NMBR: variants seen among roughly 807,000 people sequenced by gnomAD.
NMBR encodes neuromedin-B receptor.
Under a neutral mutation model 20.5 loss-of-function variants are expected in NMBR, and 16 were observed. The observed-to-expected ratio is 0.78, with a 90% CI of 0.53 to 1.19. The LOEUF is 1.19. Among genes scored for constraint, NMBR ranks in the 50% most tolerant of loss-of-function variants. The pLI is 0.00. For missense variants in NMBR, 582 were observed against 499.1 expected (o/e 1.17, Z -1.58); for synonymous variants, 212 against 196.6 (o/e 1.08, Z -0.65).
In NMBR at chr6:142,078,579, T is replaced by G; in HGVS notation, c.747A>C (p.Glu249Asp). The change falls in exon 3 of 4, where the codon GAA (glutamate) becomes GAC (aspartate). Residue 249 changes from glutamate to aspartate, a missense_variant. Transcript: ENST00000258042. ...LIKSAHNLPGEYNEHTKKQME... is the reference protein window; with the variant it reads ...LIKSAHNLPGDYNEHTKKQME... ...CCTGTTTTTTGGTATGTTCATTGTATTCTCCAGGAAGATTGTGTGCGCTTT... is the reference window on the plus strand; with the variant it reads ...CCTGTTTTTTGGTATGTTCATTGTAGTCTCCAGGAAGATTGTGTGCGCTTT... The G allele has an allele frequency of 6.2e-7, 1 of 1,602,112 alleles. No individual in the cohort carries two copies. The highest frequency in any genetic ancestry group is 8.5e-7 in the Non-Finnish European group (1 of 1,173,816).
chr6:142,127,012 G>C (rs940092409), intron 1 of NMBR, among the ~76,000 whole-genome samples: 4 of 151,446 alleles, frequency 2.6e-5, no homozygotes, highest in Non-Finnish European at 5.9e-5. Context: ...TAACTTATCT[G>C]TATTTTTGTT....
chr6:142,096,326 G>A (rs1057300895), intron 1 of NMBR, among the ~76,000 whole-genome samples: 31 of 152,178 alleles, frequency 2.0e-4, no homozygotes, highest in Admixed American at 1.1e-3. Flanking sequence ...TGCTTTAAAT[G>A]TGTCCCAGAG....
In NMBR at chr6:142,088,878, C is replaced by T; in HGVS notation, c.-220G>A. 2 of 462,798 alleles carry T rather than the reference C, an allele frequency of 4.3e-6. No individual in the cohort carries two copies. The highest frequency in any genetic ancestry group is 7.6e-6 in the Non-Finnish European group (2 of 262,578). The allele number at this position is 462,798 out of a possible 1,614,324, so 28.7% of individuals were successfully genotyped here. A position where few individuals can be genotyped will look rare whatever the true frequency, so the allele number is the denominator to read the frequency against. On this transcript the variant is annotated 5_prime_UTR_variant, in exon 2 of 4. Coordinates refer to ENST00000258042, the MANE Select transcript of NMBR (RefSeq NM_002511.4). The stretch of plus-strand genomic sequence containing the variant: ...CTCCGCTTCTAGAGGGGGGAAATGG[C>T]TCCGGCTAACTCTGAATTTAAATTA...
chr6:142,117,419 T>A (rs1777874316), intron 1 of NMBR, among the ~76,000 whole-genome samples: 1 of 152,042 alleles, frequency 6.6e-6, no homozygotes, highest in African/African-American at 2.4e-5. Flanking sequence ...ATTCAAGGAA[T>A]AATGGACATT....
chr6:142,098,962 T>C (rs957785856), intron 1 of NMBR, among the ~76,000 whole-genome samples: 7 of 152,170 alleles, frequency 4.6e-5, no homozygotes, highest in African/African-American at 1.4e-4. Flanking sequence ...AATAGACAAA[T>C]AGATCAATGG....
At chr6:142,137,596 A>G (rs1242935537) in intron 1 of NMBR, among the ~76,000 whole-genome samples, 1 of 152,192 alleles carries the variant, frequency 6.6e-6, no homozygotes, top group Non-Finnish European at 1.5e-5. Flanking sequence ...GAATGCTTCC[A>G]GTTTTTGCCC....
rs2114550533 is a variant in NMBR at position 142,076,018 on chromosome 6, A to G, written c.803T>C (p.Val268Ala). Residue 268 changes from valine to alanine, a missense_variant, in exon 4 of 4, where the codon GTG becomes GCG. By Grantham distance (64) the Val-to-Ala change is moderately conservative (BLOSUM62 0). Transcript: ENST00000258042. ...GATGAAACAGCCCACAAAGACAAGC[A>G]CAATTTTAGCCAGGCGTTTCCGTGT... ...METRKRLAKIVLVFVGCFIFC... is the reference protein window; with the variant it reads ...METRKRLAKIALVFVGCFIFC... The G allele has an allele frequency of 6.2e-7, 1 of 1,600,982 alleles. No homozygotes were observed. The highest frequency in any genetic ancestry group is 2.2e-5 in the East Asian group (1 of 44,732).
chr6:142,137,781 A>G lies in NMBR; in HGVS notation c.-664+9263T>C, dbSNP rs556355809. Among the ~76,000 whole-genome samples, 11 of 152,248 alleles carry G rather than the reference A, an allele frequency of 7.2e-5. No individual in the cohort carries two copies. The East Asian group carries it at 2.1e-3, about 29-fold the overall frequency. On this transcript the variant is annotated intron_variant, in intron 1 of 3. Transcript: ENST00000258042. ...GTGGTTTTTGTCTTTGGTTCTGTTTATATGCTGGATTACATTTATTGATTT... is the reference window on the plus strand; with the variant it reads ...GTGGTTTTTGTCTTTGGTTCTGTTTGTATGCTGGATTACATTTATTGATTT...
rs748186770 is a variant in NMBR at position 142,088,351 on chromosome 6, C to T, written c.308G>A (p.Arg103His). ...AAACATCCACTCGTCGAAGAAGTAG[C>T]GCGAGGCGTCCACCGGGACGCAGGT... ...LLTCVPVDAS[R>H]YFFDEWMFGK... is the part of the protein sequence containing the mutation. The change falls in exon 2 of 4, where the codon CGC becomes CAC. Residue 103 changes from arginine to histidine, a missense_variant. Arg to His is a conservative substitution (Grantham distance 29). Transcript: ENST00000258042. 3.1e-6 allele frequency: 5 copies of T among 1,613,880 alleles called. No homozygotes were observed. Among genetic ancestry groups the T allele is most frequent in the Non-Finnish European group, 4.2e-6 (5 of 1,180,028 alleles).
chr6:142,122,039 T>C (rs1777952065), intron 1 of NMBR, among the ~76,000 whole-genome samples: 1 of 151,936 alleles, frequency 6.6e-6, no homozygotes, highest in Non-Finnish European at 1.5e-5. Context: ...CCAGTTCCCT[T>C]TTTAAGCCCC....
intron 1 of NMBR, among the ~76,000 whole-genome samples, chr6:142,130,156 T>C (rs1241596570): frequency 6.6e-6 from 1 of 152,054 alleles, no homozygotes; most frequent in East Asian, 1.9e-4. Context: ...TTCTGAGCTC[T>C]TCAGAGGAGA....
intron 1 of NMBR, among the ~76,000 whole-genome samples, chr6:142,131,889 C>A (rs1778149570): frequency 6.6e-6 from 1 of 152,162 alleles, no homozygotes; most frequent in Non-Finnish European, 1.5e-5. Flanking sequence ...CACTACTGTA[C>A]AATGGTAAAA....
intron 1 of NMBR, among the ~76,000 whole-genome samples, chr6:142,097,517 G>C (rs992058303): frequency 2.0e-5 from 3 of 152,086 alleles, no homozygotes; most frequent in Non-Finnish European, 4.4e-5. Flanking sequence ...AAGTGAAAAT[G>C]CTCCTCGACT....
chr6:142,078,813 G>A lies in NMBR; in HGVS notation c.513C>T (p.Ser171=), dbSNP rs574520128. 5.0e-5 allele frequency: 80 copies of A among 1,613,808 alleles called. No individual in the cohort carries two copies. In the Middle Eastern group the frequency reaches 8.3e-4, roughly 17 times the overall value. Residue 171 remains serine (S), a synonymous_variant, in exon 3 of 4, where the codon TCC becomes TCT. Coordinates refer to ENST00000258042, the MANE Select transcript of NMBR (RefSeq NM_002511.4). The stretch of plus-strand genomic sequence containing the variant: ...CCGCTTCGGGAACTGCCAGCAACAC[G>A]GAGACCACCCAGATACCCATGGCCT... ...CVKAMGIWVV[S]VLLAVPEAVF...
chr6:142,113,497 T>C (rs1330173843), intron 1 of NMBR, among the ~76,000 whole-genome samples: 2 of 152,152 alleles, frequency 1.3e-5, no homozygotes, highest in Non-Finnish European at 2.9e-5. Flanking sequence ...GAGATGTTCC[T>C]CTCACAAGCT....
At chr6:142,134,194 A>T in intron 1 of NMBR, 1 of 482,050 alleles carries the variant, frequency 2.1e-6, no homozygotes, top group Non-Finnish European at 3.7e-6. Flanking sequence ...AGATAAATTG[A>T]GTTTTGGGGA....
At position 142,075,507 on chromosome 6, in the gene NMBR, A is replaced by G. The variant is rs1202756412; in HGVS notation, c.*141T>C. 1 of 709,234 alleles carries G rather than the reference A, an allele frequency of 1.4e-6. No homozygotes were observed. Among genetic ancestry groups the G allele is most frequent in the East Asian group, 2.7e-5 (1 of 36,418 alleles). The allele number at this position is 709,234 out of a possible 1,614,324, so 43.9% of individuals were successfully genotyped here. Reference sequence around the variant, plus strand: ...AAAGAGAAAAAATAAAGTCTAGTGTAGAGAAAAAATGTCTTGCATTTTCTG... The same window carrying G: ...AAAGAGAAAAAATAAAGTCTAGTGTGGAGAAAAAATGTCTTGCATTTTCTG... On this transcript the variant is annotated 3_prime_UTR_variant, in exon 4 of 4. Coordinates refer to ENST00000258042, the MANE Select transcript of NMBR (RefSeq NM_002511.4).
intron 1 of NMBR, among the ~76,000 whole-genome samples, chr6:142,128,053 A>T (rs116693229): frequency 4.7e-4 from 71 of 151,892 alleles, no homozygotes; most frequent in African/African-American, 1.7e-3. Flanking sequence ...CCTGTGGGAG[A>T]TGTTTGGCTC....
intron 1 of NMBR, among the ~76,000 whole-genome samples, chr6:142,131,001 G>A (rs189181937): frequency 6.6e-5 from 10 of 152,254 alleles, no homozygotes; most frequent in Admixed American, 1.3e-4. Context: ...ACCAGTGACC[G>A]TTACATATCT....
Sources: allele counts gnomAD v4.1 joint callset (sites outside exome capture counted in the v4.1 genomes callset), GRCh38; gene constraint gnomAD v4.1.1; transcripts MANE v1.5; gene names NCBI Gene and HGNC (gene_info 2026-07-23, HGNC 2026-07-21).